The following INSYN2A variants were observed in gnomAD, a reference collection of about 807,000 sequenced individuals.
INSYN2A encodes family with sequence similarity 196 member A.
Under a neutral mutation model 39.4 loss-of-function variants are expected in INSYN2A, and 17 were observed. That is an observed-to-expected ratio of 0.43 (90% confidence interval 0.30 to 0.65). INSYN2A has a LOEUF of 0.65. INSYN2A is among the 30% of genes least tolerant of loss of function. The pLI, the probability that INSYN2A is intolerant of heterozygous loss-of-function variation, is 0.14. For missense variants in INSYN2A, 595 were observed against 631.2 expected, an observed-to-expected ratio of 0.94 and a Z score of 0.61; for synonymous variants, 255 against 265.7, an observed-to-expected ratio of 0.96 and a Z score of 0.39.
chr10:127,166,077 ATTTT>A (rs1440423717), intron 4 of INSYN2A, among the ~76,000 whole-genome samples: 1 of 151,834 alleles, frequency 6.6e-6, no homozygotes, highest in East Asian at 1.9e-4. Flanking sequence ...TTATTTATTT[ATTTT>A]CTGAGACAGA....
rs753617569 is a variant in INSYN2A, at chr10:127,153,856, A to G, written c.1252T>C (p.Tyr418His). Reference sequence around the variant, plus strand: ...AAGAGGAGAATGTTAACATACCTATAGATAATACATGCACTGTTCCTGCAT... The same window carrying G: ...AAGAGGAGAATGTTAACATACCTATGGATAATACATGCACTGTTCCTGCAT... ...DTCRNSACIIYSVELDFKQQE... is the reference protein window; with the variant it reads ...DTCRNSACIIHSVELDFKQQE... The change falls in exon 5 of 6, where the codon TAT (tyrosine) becomes CAT (histidine). Residue 418 changes from tyrosine to histidine, a missense_variant. Physicochemically the swap from Tyr to His is moderately conservative, Grantham distance 83. This residue lies in a region of INSYN2A where 117 missense variants were observed against 163.8 expected (regional missense o/e 0.71). Coordinates refer to ENST00000522781, the MANE Select transcript of INSYN2A (RefSeq NM_001039762.3). 1.9e-6 allele frequency: 3 copies of G among 1,610,340 alleles called. No homozygotes were observed. Among genetic ancestry groups the G allele is most frequent in the Admixed American group, 1.7e-5 (1 of 60,010 alleles).
intron 4 of INSYN2A, among the ~76,000 whole-genome samples, chr10:127,164,222 C>T (rs1433390423): frequency 8.5e-6 from 1 of 118,202 alleles, no homozygotes; most frequent in Non-Finnish European, 1.6e-5. Context: ...CCTGCTCTGT[C>T]ACCCAGGCTG....
intron 5 of INSYN2A, among the ~76,000 whole-genome samples, chr10:127,144,955 T>A (rs1482964196): frequency 6.6e-6 from 1 of 151,192 alleles, no homozygotes; most frequent in African/African-American, 2.5e-5. Context: ...ATAGTTTTTT[T>A]AAAAAAGCAT....
At chr10:127,155,538 C>T (rs1023148884) in intron 4 of INSYN2A, among the ~76,000 whole-genome samples, 3 of 152,130 alleles carry the variant, frequency 2.0e-5, no homozygotes, top group African/African-American at 4.8e-5. Context: ...TTGGCTTTGT[C>T]AGGAGAGAGG....
At chr10:127,156,152 A>G (rs1278100527) in intron 4 of INSYN2A, among the ~76,000 whole-genome samples, 3 of 152,176 alleles carry the variant, frequency 2.0e-5, no homozygotes, top group Non-Finnish European at 2.9e-5. Context: ...GGAAATGTCT[A>G]TCAAGCCTCA....
chr10:127,142,707 C>T (rs1425481662), intron 5 of INSYN2A, among the ~76,000 whole-genome samples: 1 of 152,168 alleles, frequency 6.6e-6, no homozygotes, highest in African/African-American at 2.4e-5. Flanking sequence ...TCGCTGCCTG[C>T]ACCTCCATTC....
At chr10:127,150,898 T>C (rs1253814113) in intron 5 of INSYN2A, among the ~76,000 whole-genome samples, 1 of 152,182 alleles carries the variant, frequency 6.6e-6, no homozygotes, top group East Asian at 1.9e-4. Context: ...GAAACTGTAG[T>C]GGGGGTGCCA....
At chr10:127,154,305 T>C (rs2052813544) in intron 4 of INSYN2A, among the ~76,000 whole-genome samples, 1 of 152,244 alleles carries the variant, frequency 6.6e-6, no homozygotes, top group Non-Finnish European at 1.5e-5. Flanking sequence ...CTACCCCACC[T>C]GTCCTGCTAC....
intron 4 of INSYN2A, among the ~76,000 whole-genome samples, chr10:127,154,526 A>T (rs1289602252): frequency 6.6e-6 from 1 of 152,264 alleles, no homozygotes; most frequent in South Asian, 2.1e-4. Flanking sequence ...GAAAATTTTT[A>T]TGAAAATACC....
At chr10:127,193,764 C>A (rs539710545) in intron 1 of INSYN2A, among the ~76,000 whole-genome samples, 106 of 151,364 alleles carry the variant, frequency 7.0e-4, no homozygotes, top group Non-Finnish European at 1.4e-3. Context: ...TTTTTCCCTA[C>A]AGAGGGAGAA....
At chr10:127,172,523 T>C (rs2054670363) in intron 4 of INSYN2A, among the ~76,000 whole-genome samples, 1 of 152,090 alleles carries the variant, frequency 6.6e-6, no homozygotes, top group South Asian at 2.1e-4. Flanking sequence ...AGAAGACGGG[T>C]GGGAAATTTG....
chr10:127,172,715 C>T (rs1254251899), intron 4 of INSYN2A, among the ~76,000 whole-genome samples: 2 of 152,128 alleles, frequency 1.3e-5, no homozygotes, highest in Admixed American at 1.3e-4. Context: ...TACCTTCCAC[C>T]GTGAGCTTGT....
rs2055211984 is a variant in INSYN2A at position 127,176,906 on chromosome 10, G to C, written c.-35C>G. On this transcript the variant is annotated 5_prime_UTR_variant, in exon 3 of 6. Coordinates refer to ENST00000522781, the MANE Select transcript of INSYN2A (RefSeq NM_001039762.3). The surrounding 1 kb of genome is among the most constrained non-coding windows in gnomAD (Gnocchi z 4.4). ...GCTGCCACGTCTCGAGCAGATAAAT[G>C]TGGAGAGCCCTCCGAGGAGGAACGG... is the stretch of plus-strand genomic sequence containing the variant. The C allele has an allele frequency of 6.5e-6, 1 of 153,352 alleles. No homozygotes were observed. The highest frequency in any genetic ancestry group is 6.5e-5 in the Admixed American group (1 of 15,410). The allele number at this position is 153,352 out of a possible 1,614,324, so 9.5% of individuals were successfully genotyped here. A position where few individuals can be genotyped will look rare whatever the true frequency, so the allele number is the denominator to read the frequency against.
intron 1 of INSYN2A, 96 bp from the exon 2 acceptor site, chr10:127,192,826 T>C (rs1229237436): frequency 6.6e-6 from 1 of 152,228 alleles, no homozygotes; most frequent in Non-Finnish European, 1.5e-5. Context: ...ACAACTTGTT[T>C]ACAGCAATCC....
chr10:127,137,692 A>G lies in INSYN2A; in HGVS notation c.*145T>C. The G allele has an allele frequency of 1.5e-6, 1 of 671,654 alleles. No homozygotes were observed. The highest frequency in any genetic ancestry group is 2.2e-5 in the South Asian group (1 of 44,888). 41.6% of individuals were successfully genotyped at this position (671,654 alleles called of 1,614,324 possible). A position where few individuals can be genotyped will look rare whatever the true frequency, so the allele number is the denominator to read the frequency against. On this transcript the variant is annotated 3_prime_UTR_variant, in exon 6 of 6. Transcript: ENST00000522781. Reference sequence around the variant, plus strand: ...CTTCTGTTAATTATCTATTGGTACAAAGGCCTTTTTGGTACGCAGGGCGAG... The same window carrying G: ...CTTCTGTTAATTATCTATTGGTACAGAGGCCTTTTTGGTACGCAGGGCGAG...
rs2055061331 is a variant in INSYN2A at position 127,175,816 on chromosome 10, C to T, written c.580G>A (p.Glu194Lys). 25 of 1,614,074 alleles carry T rather than the reference C, an allele frequency of 1.5e-5. No homozygotes were observed. Among genetic ancestry groups the T allele is most frequent in the Non-Finnish European group, 2.1e-5 (25 of 1,180,018 alleles). Reference protein sequence around the residue: ...VDQPLGVNCTEPCKSPEPLSY... With the variant: ...VDQPLGVNCTKPCKSPEPLSY... The stretch of plus-strand genomic sequence containing the variant: ...AGCGGCTCCGGGCTTTTACAGGGCT[C>T]TGTGCAGTTGACCCCCAAAGGCTGG... The change falls in exon 4 of 6, where the codon GAG becomes AAG. Residue 194 changes from glutamate to lysine, a missense_variant. Around this residue, in one of 2 missense-constraint regions of INSYN2A, gnomAD observed 478 missense variants for 467.4 expected, o/e 1.02. Transcript: ENST00000522781. This position sits in a 1 kb window ranked among gnomAD's most constrained non-coding sequence, Gnocchi z 6.3.
chr10:127,138,430 C>G (rs555205598), intron 5 of INSYN2A, among the ~76,000 whole-genome samples: 1 of 152,124 alleles, frequency 6.6e-6, no homozygotes, highest in Non-Finnish European at 1.5e-5. Flanking sequence ...CACGCAAGGT[C>G]CGTTCCTGTG....
chr10:127,194,328 T>A (rs2056951162), intron 1 of INSYN2A, among the ~76,000 whole-genome samples: 2 of 152,194 alleles, frequency 1.3e-5, no homozygotes, highest in African/African-American at 4.8e-5. Flanking sequence ...TAGTAAATGA[T>A]TAATATCTGG....
Position 127,137,521 on chromosome 10 carries a change from A to T in INSYN2A, c.*316T>A. On this transcript the variant is annotated 3_prime_UTR_variant, in exon 6 of 6. Transcript: ENST00000522781. ...ACAGGGTGACAGCCTGCCATCTCGCAGGTTGATAATGTATTACTTGCAGAT... is the reference window on the plus strand; with the variant it reads ...ACAGGGTGACAGCCTGCCATCTCGCTGGTTGATAATGTATTACTTGCAGAT... The T allele has an allele frequency of 4.0e-6, 1 of 251,726 alleles. No individual in the cohort carries two copies. The highest frequency in any genetic ancestry group is 8.0e-5 in the East Asian group (1 of 12,482). 15.6% of individuals were successfully genotyped at this position (251,726 alleles called of 1,614,324 possible).
Sources: allele counts gnomAD v4.1 joint callset (sites outside exome capture counted in the v4.1 genomes callset), GRCh38; gene constraint gnomAD v4.1.1; regional missense constraint gnomAD v4.1.1; non-coding constraint Gnocchi (gnomAD v3.1); transcripts MANE v1.5; gene names NCBI Gene and HGNC (gene_info 2026-07-23, HGNC 2026-07-21).